FLYWCH2: variants seen among roughly 807,000 people sequenced by gnomAD.
FLYWCH2 encodes the protein FLYWCH family member 2.
Under a neutral mutation model 6.0 loss-of-function variants are expected in FLYWCH2, and 2 were observed. The observed-to-expected ratio is 0.33, with a 90% CI of 0.14 to 1.04. The LOEUF (loss-of-function observed/expected upper bound fraction) is 1.04, where lower values mean the gene tolerates loss of function less well. Among genes scored for constraint, FLYWCH2 ranks in the 50% least tolerant of loss-of-function variants. The pLI is 0.45. For synonymous variants in FLYWCH2, 87 were observed against 79.3 expected, an observed-to-expected ratio of 1.10 and a Z score of -0.52; for missense variants, 192 against 183.4, an observed-to-expected ratio of 1.05 and a Z score of -0.27.
intron 1 of FLYWCH2, among the ~76,000 whole-genome samples, chr16:2,888,590 T>C (rs1190995685): frequency 3.9e-5 from 6 of 151,980 alleles, no homozygotes; most frequent in Non-Finnish European, 8.8e-5. Flanking sequence ...GAACATGGGA[T>C]GTCTTTCCAT....
At chr16:2,883,628 T>G (rs2069665278) in intron 1 of FLYWCH2, among the ~76,000 whole-genome samples, 24 of 152,100 alleles carry the variant, frequency 1.6e-4, no homozygotes, top group Admixed American at 1.2e-3. Context: ...TCCCTGGCCG[T>G]GTCCGCCGCG....
In FLYWCH2 at chr16:2,896,668, C is replaced by T. The variant is rs61739969; in HGVS notation, c.219C>T (p.Pro73=). 1.2e-3 allele frequency: 1,856 copies of T among 1,613,206 alleles called. 14 individuals carry two copies. The African/African-American group carries it at 0.017, about 15-fold the overall frequency. ...HCVMSLGVPG[P]ATLAKALLQT... ...TCATGTCCCTGGGGGTGCCCGGCCC[C>T]GCCACCCTTGCCAAGGCCCTCCTCC... Residue 73 remains proline, a synonymous_variant, in exon 3 of 4, where the codon CCC becomes CCT. Coordinates refer to ENST00000396958, the MANE Select transcript of FLYWCH2 (RefSeq NM_138439.3).
At chr16:2,890,428 T>C (rs2069743844) in intron 1 of FLYWCH2, among the ~76,000 whole-genome samples, 1 of 151,684 alleles carries the variant, frequency 6.6e-6, no homozygotes, top group Non-Finnish European at 1.5e-5. Context: ...TTTTTTTTTT[T>C]TTTGAGACAA....
chr16:2,897,901 G>T (rs2069841199), intron 3 of FLYWCH2, among the ~76,000 whole-genome samples: 1 of 145,198 alleles, frequency 6.9e-6, no homozygotes, highest in Non-Finnish European at 1.5e-5. Context: ...CTGGGAGTGG[G>T]CTCTGCCGTG....
chr16:2,890,150 C>T (rs1762386625), intron 1 of FLYWCH2, among the ~76,000 whole-genome samples: 1 of 151,766 alleles, frequency 6.6e-6, no homozygotes, highest in Non-Finnish European at 1.5e-5. Flanking sequence ...CACTAATGCA[C>T]TTTTTGTGTT....
intron 3 of FLYWCH2, among the ~76,000 whole-genome samples, chr16:2,897,161 C>G (rs1328185574): frequency 6.6e-6 from 1 of 152,166 alleles, no homozygotes; most frequent in East Asian, 1.9e-4. Flanking sequence ...TTCTAGAAAG[C>G]TTCTTTGGTC....
At chr16:2,895,987 CAG>C (rs1250896972) in intron 2 of FLYWCH2, among the ~76,000 whole-genome samples, 3 of 152,300 alleles carry the variant, frequency 2.0e-5, no homozygotes, top group South Asian at 2.1e-4. Flanking sequence ...GCTGTCATAA[CAG>C]GGGTGGGAGG....
intron 1 of FLYWCH2, among the ~76,000 whole-genome samples, 189 bp from the exon 2 acceptor site, chr16:2,895,029 CTT>C (rs1222785293): frequency 6.6e-6 from 1 of 152,068 alleles, no homozygotes; most frequent in Non-Finnish European, 1.5e-5. Context: ...AAGCTGCAGT[CTT>C]GTGTCTAGGC....
In FLYWCH2 at chr16:2,889,095, T is replaced by C. The variant is rs183675570; in HGVS notation, c.-200+5729T>C. Among the ~76,000 whole-genome samples the C allele has an allele frequency of 5.6e-3, 841 of 148,862 alleles. 5 individuals carry two copies. The highest frequency in any genetic ancestry group is 0.017 in the Middle Eastern group (5 of 292). On this transcript the variant is annotated intron_variant, in intron 1 of 3. Transcript: ENST00000396958. ...AAAACACAGTTCCTACCAGGCAACC[T>C]TTGTCAGGGCCATTTTGCTCAAAAT...
In FLYWCH2 at chr16:2,899,358, C is replaced by A. The variant is rs1410820206; in HGVS notation, c.*209C>A. 4.3e-6 allele frequency: 2 copies of A among 460,456 alleles called. No individual in the cohort carries two copies. Among genetic ancestry groups the A allele is most frequent in the South Asian group, 6.2e-5 (2 of 32,014 alleles). 28.5% of individuals were successfully genotyped at this position (460,456 alleles called of 1,614,324 possible). A position where few individuals can be genotyped will look rare whatever the true frequency, so the allele number is the denominator to read the frequency against. On this transcript the variant is annotated 3_prime_UTR_variant, in exon 4 of 4. Transcript: ENST00000396958. ...AGAATAAAAGAAGCTGTTCGCTAGA[C>A]CCCATAATGGGCAGGTTTTAAACAT...
intron 1 of FLYWCH2, among the ~76,000 whole-genome samples, chr16:2,890,580 AAT>A (rs761048238): frequency 5.5e-5 from 7 of 128,368 alleles, no homozygotes; most frequent in Non-Finnish European, 7.3e-5. Flanking sequence ...ACGCCCGGCC[AAT>A]TTTTTTTTTT....
At chr16:2,896,310 C>A in intron 2 of FLYWCH2, 42 bp from the exon 3 acceptor site, 1 of 1,149,856 alleles carries the variant, frequency 8.7e-7, no homozygotes, top group Non-Finnish European at 1.2e-6. Context: ...TAGAGCCTCC[C>A]AAGGGCTTCC....
At chr16:2,890,750 G>A (rs960075107) in intron 1 of FLYWCH2, among the ~76,000 whole-genome samples, 6 of 151,980 alleles carry the variant, frequency 3.9e-5, no homozygotes, top group African/African-American at 1.5e-4. Flanking sequence ...TATTTTTACT[G>A]GAGACGGAGT....
Position 2,896,663 on chromosome 16 carries a change from G to T in FLYWCH2, c.214G>T (p.Gly72Cys), listed in dbSNP as rs780569658. 17 of 1,613,084 alleles carry T rather than the reference G, an allele frequency of 1.1e-5. No homozygotes were observed. Among genetic ancestry groups the T allele is most frequent in the East Asian group, 2.2e-5 (1 of 44,866 alleles). Residue 72 changes from glycine to cysteine, a missense_variant, in exon 3 of 4, where the codon GGC (glycine) becomes TGC (cysteine). Coordinates refer to ENST00000396958, the MANE Select transcript of FLYWCH2 (RefSeq NM_138439.3). ...CTGTGTCATGTCCCTGGGGGTGCCC[G>T]GCCCCGCCACCCTTGCCAAGGCCCT... is the stretch of plus-strand genomic sequence containing the variant. ...VHCVMSLGVP[G>C]PATLAKALLQ...
At chr16:2,889,898 G>A (rs754257730) in intron 1 of FLYWCH2, among the ~76,000 whole-genome samples, 5 of 152,026 alleles carry the variant, frequency 3.3e-5, no homozygotes, top group South Asian at 4.1e-4. Flanking sequence ...CAGTCTGGAC[G>A]ACATGGTGAA....
chr16:2,893,949 C>G (rs575522176), intron 1 of FLYWCH2, among the ~76,000 whole-genome samples: 4 of 152,104 alleles, frequency 2.6e-5, no homozygotes, highest in Non-Finnish European at 5.9e-5. Context: ...CTTTGGGGCC[C>G]TTTTGTACAG....
chr16:2,897,316 C>G (rs182619504), intron 3 of FLYWCH2, among the ~76,000 whole-genome samples: 1 of 152,254 alleles, frequency 6.6e-6, no homozygotes, highest in East Asian at 1.9e-4. Context: ...TGCCCCTGCT[C>G]TCCCTACCTC....
At chr16:2,898,981 C>G in intron 3 of FLYWCH2, 68 bp from the exon 4 acceptor site, 1 of 1,317,972 alleles carries the variant, frequency 7.6e-7, no homozygotes. Context: ...CCTGGTAGAC[C>G]CCCAACAGCC....
intron 1 of FLYWCH2, among the ~76,000 whole-genome samples, chr16:2,884,172 TA>T (rs1466235137): frequency 3.9e-5 from 6 of 152,186 alleles, no homozygotes. Flanking sequence ...GCCTGTCATC[TA>T]TTAACAGCCC....
Sources: allele counts gnomAD v4.1 joint callset (sites outside exome capture counted in the v4.1 genomes callset), GRCh38; gene constraint gnomAD v4.1.1; transcripts MANE v1.5; gene names NCBI Gene and HGNC (gene_info 2026-07-23, HGNC 2026-07-21).